The following HSPH1 variants were observed in gnomAD, a reference collection of about 807,000 sequenced individuals.
The protein encoded by HSPH1 is heat shock protein family H (Hsp110) member 1, also known as heat shock protein 105 kDa.
A neutral mutation model predicts 100.0 loss-of-function variants in HSPH1; 40 were observed. The observed-to-expected ratio is 0.40, with a 90% CI of 0.31 to 0.52. HSPH1 has a LOEUF of 0.52. Among genes scored for constraint, HSPH1 ranks in the 20% least tolerant of loss-of-function variants. HSPH1 has a pLI of 0.54. For synonymous variants in HSPH1, 403 were observed against 344.0 expected (o/e 1.17, Z -1.90); for missense variants, 876 against 1,015.1 (o/e 0.86, Z 1.86).
chr13:31,144,070 C>A, intron 11 of HSPH1, 147 bp from the exon 12 acceptor site: 1 of 636,532 alleles, frequency 1.6e-6, no homozygotes. Context: ...ACAAAATGAA[C>A]AAAGTACTTG....
In HSPH1 at chr13:31,148,111, G is replaced by C. The variant is rs1192546494; in HGVS notation, c.1245-19C>G. The C allele has an allele frequency of 1.3e-6, 2 of 1,597,340 alleles. No individual in the cohort carries two copies. Among genetic ancestry groups the C allele is most frequent in the Non-Finnish European group, 8.5e-7 (1 of 1,175,144 alleles). On this transcript the variant is annotated intron_variant, in intron 9 of 17. Coordinates refer to ENST00000320027, the MANE Select transcript of HSPH1 (RefSeq NM_006644.4). ...ATGAACACTAGAGAGAAAAGAAAAA[G>C]GCATTCAGCAGATGAAGAACTTAAA...
Position 31,138,827 on chromosome 13 carries a change from T to C in HSPH1, c.2162A>G (p.Gln721Arg). 2 of 1,612,046 alleles carry C rather than the reference T, an allele frequency of 1.2e-6. No homozygotes were observed. The highest frequency in any genetic ancestry group is 1.7e-6 in the Non-Finnish European group (2 of 1,179,166). Residue 721 changes from glutamine to arginine, a missense_variant, in exon 16 of 18, where the codon CAG (glutamine) becomes CGG (arginine). Physicochemically the swap from Gln to Arg is conservative, Grantham distance 43. Coordinates refer to ENST00000320027, the MANE Select transcript of HSPH1 (RefSeq NM_006644.4). The part of the protein sequence containing the change: ...ERPKMFEELG[Q>R]RLQHYAKIAA... ...TATCTTGGCATAATGCTGCAGCCTC[T>C]GTCCTAGTTCTTCAAACATTTTTGG...
intron 2 of HSPH1, among the ~76,000 whole-genome samples, chr13:31,157,721 C>T (rs1308265181): frequency 6.6e-6 from 1 of 152,148 alleles, no homozygotes; most frequent in African/African-American, 2.4e-5. Flanking sequence ...GTTTTTCTCT[C>T]CACCTCCAAG....
At chr13:31,145,458 A>T in intron 11 of HSPH1, 105 bp downstream of exon 11, 1 of 802,730 alleles carries the variant, frequency 1.2e-6, no homozygotes, top group Non-Finnish European at 2.0e-6. Context: ...GATCAAAATT[A>T]TTCATGAAGG....
At chr13:31,154,520 T>C (rs4943165) in intron 4 of HSPH1, 113 bp downstream of exon 4, 487,915 of 1,196,128 alleles carry the variant, frequency 0.41, 108,494 homozygotes, top group Non-Finnish European at 0.47. Context: ...TACAGTCCAG[T>C]AGAACACGGT....
At position 31,158,548 on chromosome 13, in the gene HSPH1, C is replaced by CAAAAA. The variant is rs11363658; in HGVS notation, c.165+253_165+257dup. On this transcript the variant is annotated intron_variant, in intron 2 of 17. Transcript: ENST00000320027. ...TGGGTAACAGAGCGAGACTCTATCT[C>CAAAAA]AAAAAAAAAAAAAAAAAAAAAAAAA... Among the ~76,000 whole-genome samples the CAAAAA allele has an allele frequency of 1.9e-4, 12 of 63,818 alleles. No individual in the cohort carries two copies. In the South Asian group the frequency reaches 4.1e-3, roughly 22 times the overall value. 41.9% of individuals were successfully genotyped at this position (63,818 alleles called of 152,430 possible).
At position 31,145,631 on chromosome 13, in the gene HSPH1, T is replaced by C. The variant is rs1411760216; in HGVS notation, c.1516A>G (p.Asn506Asp). 1 of 1,613,652 alleles carries C rather than the reference T, an allele frequency of 6.2e-7. No homozygotes were observed. Among genetic ancestry groups the C allele is most frequent in the Non-Finnish European group, 8.5e-7 (1 of 1,179,798 alleles). ...ATGTCAGCTTCAGAAGACATTTCAT[T>C]CTCCTCAGTTGGGACTTTCTCCACC... ...SMVEKVPTEE[N>D]EMSSEADMEC... The change falls in exon 11 of 18, where the codon AAT (asparagine) becomes GAT (aspartate). Residue 506 changes from asparagine to aspartate, a missense_variant. Coordinates refer to ENST00000320027, the MANE Select transcript of HSPH1 (RefSeq NM_006644.4).
intron 4 of HSPH1, 32 bp downstream of exon 4, chr13:31,154,601 T>A: frequency 3.1e-6 from 5 of 1,613,472 alleles, no homozygotes; most frequent in Non-Finnish European, 4.2e-6. Context: ...AAAAATGAAA[T>A]AAAACACACT....
chr13:31,158,238 G>A (rs566399234), intron 2 of HSPH1, among the ~76,000 whole-genome samples: 5 of 152,100 alleles, frequency 3.3e-5, no homozygotes, highest in African/African-American at 1.2e-4. Flanking sequence ...TAAATGAAAG[G>A]CAGCAAAAAG....
rs1956179294 is a variant in HSPH1 at position 31,143,772 on chromosome 13, G to C, written c.1716+20C>G. 6.3e-7 allele frequency: 1 copy of C among 1,597,312 alleles called. No homozygotes were observed. Among genetic ancestry groups the C allele is most frequent in the Admixed American group, 1.7e-5 (1 of 57,586 alleles). The stretch of plus-strand genomic sequence containing the variant: ...ACTTTGCAACATTGTCTAATGGAAT[G>C]AACTAGAAGAGTCACTCACTTTGTC... On this transcript the variant is annotated intron_variant, in intron 12 of 17. Coordinates refer to ENST00000320027, the MANE Select transcript of HSPH1 (RefSeq NM_006644.4).
chr13:31,145,189 A>T (rs12876503), intron 11 of HSPH1, among the ~76,000 whole-genome samples: 6 of 151,992 alleles, frequency 3.9e-5, no homozygotes, highest in African/African-American at 1.4e-4. Flanking sequence ...AAAAACTTTA[A>T]TATTTGGTAG....
intron 5 of HSPH1, 170 bp from the exon 6 acceptor site, chr13:31,151,912 T>A: frequency 1.7e-6 from 1 of 579,840 alleles, no homozygotes; most frequent in Non-Finnish European, 3.0e-6. Context: ...TGGAATTAAT[T>A]ATTACTCTCT....
intron 1 of HSPH1, 104 bp downstream of exon 1, chr13:31,161,372 G>T: frequency 2.0e-6 from 3 of 1,511,584 alleles, no homozygotes; most frequent in Non-Finnish European, 2.7e-6. Context: ...CTGCCCAAAC[G>T]CCTCCGTTTG....
Position 31,136,349 on chromosome 13 carries a change from T to G in HSPH1, c.*969A>C, listed in dbSNP as rs1056663938. 17 of 152,174 alleles carry G rather than the reference T, an allele frequency of 1.1e-4. No individual in the cohort carries two copies. The highest frequency in any genetic ancestry group is 4.2e-4 in the South Asian group (2 of 4,810). The allele number at this position is 152,174 out of a possible 1,614,324, so 9.4% of individuals were successfully genotyped here. Reference sequence around the variant, plus strand: ...AGACACTCACACAAATATACCCCCATCATTAGGGGTAAAAGGCTCCAAGGA... The same window carrying G: ...AGACACTCACACAAATATACCCCCAGCATTAGGGGTAAAAGGCTCCAAGGA... On this transcript the variant is annotated 3_prime_UTR_variant, in exon 18 of 18. Coordinates refer to ENST00000320027, the MANE Select transcript of HSPH1 (RefSeq NM_006644.4).
At chr13:31,149,436 C>T (rs1038504916) in intron 8 of HSPH1, among the ~76,000 whole-genome samples, 3 of 151,854 alleles carry the variant, frequency 2.0e-5, no homozygotes, top group African/African-American at 7.3e-5. Context: ...TTTTTTTAAC[C>T]GAATAACTTC....
At chr13:31,148,513 G>C (rs1353665750) in intron 8 of HSPH1, 33 bp from the exon 9 acceptor site, 2 of 779,600 alleles carry the variant, frequency 2.6e-6, no homozygotes, top group Admixed American at 3.6e-5. Flanking sequence ...ATGAGCACAT[G>C]AACACTTCCC....
chr13:31,138,279 A>C, intron 17 of HSPH1, 128 bp downstream of exon 17: 1 of 834,986 alleles, frequency 1.2e-6, no homozygotes, highest in East Asian at 2.5e-5. Flanking sequence ...TAATAGACTA[A>C]GAAAAGCTGG....
chr13:31,138,409 T>G lies in HSPH1; in HGVS notation c.2368A>C (p.Lys790Gln). The change falls in exon 17 of 18, where the codon AAG becomes CAG. Residue 790 changes from lysine (K) to glutamine (Q), a missense_variant and splice_region_variant. Lys to Gln is a moderately conservative substitution (Grantham distance 53). Transcript: ENST00000320027. ...AAACACGAGACAGTAACACTCACCT[T>G]GATTTTTGTTTTAATTTCCTGAGCA... ...VRAQEIKTKI[K>Q]ELNNTCEPVV... 1 of 1,612,652 alleles carries G rather than the reference T, an allele frequency of 6.2e-7. No homozygotes were observed. The highest frequency in any genetic ancestry group is 8.5e-7 in the Non-Finnish European group (1 of 1,179,076).
intron 2 of HSPH1, among the ~76,000 whole-genome samples, chr13:31,157,621 TTTTC>T (rs1397494400): frequency 1.3e-5 from 2 of 152,214 alleles, no homozygotes; most frequent in Non-Finnish European, 2.9e-5. Context: ...TAATCCAAAA[TTTTC>T]TTTCTTAGCA....
Sources: gnomAD v4.1 joint callset for allele counts (sites outside exome capture counted in the v4.1 genomes callset) on GRCh38, gnomAD v4.1.1 for gene constraint, MANE v1.5 for transcripts, NCBI Gene and HGNC (gene_info 2026-07-23, HGNC 2026-07-21) for gene names.